Variants in SEPSECS observed in about 807,000 individuals in gnomAD.
SEPSECS encodes Sep (O-phosphoserine) tRNA:Sec (selenocysteine) tRNA synthase.
SEPSECS carries 42 observed loss-of-function variants against 52.1 expected under a neutral mutation model. The ratio of observed to expected loss-of-function variants is 0.81; its 90% CI spans 0.63 to 1.04. SEPSECS has a LOEUF of 1.04. SEPSECS is among the 50% of genes least tolerant of loss of function. The probability of loss-of-function intolerance (pLI) is 0.00; values close to 1 mark genes in which losing one functional copy is unlikely to be tolerated. For synonymous variants in SEPSECS, 216 were observed against 211.4 expected (o/e 1.02, Z -0.19); for missense variants, 590 against 610.6 (o/e 0.97, Z 0.36).
intron 8 of SEPSECS, among the ~76,000 whole-genome samples, chr4:25,128,138 T>C (rs1220903039): frequency 6.6e-6 from 1 of 152,188 alleles, no homozygotes; most frequent in Admixed American, 6.5e-5. Flanking sequence ...TGCCACAATC[T>C]GAAATTATCT....
intron 8 of SEPSECS, among the ~76,000 whole-genome samples, chr4:25,137,611 G>A (rs149476871): frequency 1.3e-5 from 2 of 152,314 alleles, no homozygotes; most frequent in East Asian, 1.9e-4. Context: ...CTTTTACACT[G>A]TTGGTGGAAA....
At chr4:25,137,616 T>C (rs1175112233) in intron 8 of SEPSECS, among the ~76,000 whole-genome samples, 4 of 152,150 alleles carry the variant, frequency 2.6e-5, no homozygotes, top group Non-Finnish European at 5.9e-5. Flanking sequence ...ACACTGTTGG[T>C]GGAAATGTAA....
rs146749555 is a variant in SEPSECS at position 25,157,430 on chromosome 4, T to A, written c.270-456A>T. On this transcript the variant is annotated intron_variant, in intron 2 of 10. Coordinates refer to ENST00000382103, the MANE Select transcript of SEPSECS (RefSeq NM_016955.4). ...GCAATACTCACCCTGCTGAGCCCAG[T>A]TAATCCAAAAAGCTATGAGAGGTAA... Among the ~76,000 whole-genome samples the A allele has an allele frequency of 2.0e-5, 3 of 152,298 alleles. 1 individual carries two copies. The highest frequency in any genetic ancestry group is 1.3e-4 in the Admixed American group (2 of 15,290).
chr4:25,152,914 G>A (rs1404614435), intron 5 of SEPSECS, among the ~76,000 whole-genome samples: 2 of 151,830 alleles, frequency 1.3e-5, no homozygotes, highest in African/African-American at 2.4e-5. Context: ...TTTTATACAA[G>A]TAAAGTCCTT....
intron 8 of SEPSECS, among the ~76,000 whole-genome samples, chr4:25,131,775 T>C (rs951484624): frequency 9.2e-5 from 14 of 152,212 alleles, no homozygotes; most frequent in East Asian, 3.8e-4. Flanking sequence ...TGAGCAGCCA[T>C]AGTGCTGTTA....
rs555005167 is a variant in SEPSECS, at chr4:25,160,389, G to A, written c.-20C>T. The A allele has an allele frequency of 6.5e-7, 1 of 1,536,968 alleles. No homozygotes were observed. The highest frequency in any genetic ancestry group is 8.8e-7 in the Non-Finnish European group (1 of 1,135,876). ...GTTCATGACAGCGGTGGCGACAGTG[G>A]CGAATAAGCGGGAGCACTAGCTCCA... is the stretch of plus-strand genomic sequence containing the variant. On this transcript the variant is annotated 5_prime_UTR_variant, in exon 1 of 11. Coordinates refer to ENST00000382103, the MANE Select transcript of SEPSECS (RefSeq NM_016955.4).
intron 8 of SEPSECS, among the ~76,000 whole-genome samples, chr4:25,128,842 G>C (rs1469470608): frequency 6.6e-6 from 1 of 152,068 alleles, no homozygotes; most frequent in East Asian, 1.9e-4. Context: ...CAACCTCAAA[G>C]GCCAAGATAC....
intron 9 of SEPSECS, among the ~76,000 whole-genome samples, chr4:25,126,243 T>C (rs1728362192): frequency 6.6e-6 from 1 of 152,086 alleles, no homozygotes; most frequent in Non-Finnish European, 1.5e-5. Flanking sequence ...GTAGCTACCA[T>C]TTACTAAGGA....
intron 8 of SEPSECS, among the ~76,000 whole-genome samples, chr4:25,132,859 G>GA (rs1728667909): frequency 1.3e-5 from 2 of 152,188 alleles, no homozygotes; most frequent in African/African-American, 2.4e-5. Context: ...GCAGTGACAA[G>GA]AAAGTGGTAA....
chr4:25,157,748 T>C (rs1042719519), intron 2 of SEPSECS, among the ~76,000 whole-genome samples: 2 of 152,088 alleles, frequency 1.3e-5, no homozygotes, highest in African/African-American at 2.4e-5. Context: ...GGTTTCACCA[T>C]GTTAGCCAGG....
rs991221743 is a variant in SEPSECS at position 25,159,127 on chromosome 4, T to G, written c.115-20A>C. The G allele has an allele frequency of 4.9e-6, 6 of 1,226,060 alleles. No homozygotes were observed. The highest frequency in any genetic ancestry group is 6.9e-6 in the Non-Finnish European group (6 of 864,134). 75.9% of individuals were successfully genotyped at this position (1,226,060 alleles called of 1,614,324 possible). On this transcript the variant is annotated intron_variant, in intron 1 of 10. Coordinates refer to ENST00000382103, the MANE Select transcript of SEPSECS (RefSeq NM_016955.4). ...CTTGCCCTTAAAAAAAAAAAAAAAC[T>G]TATGATTATATTTAATAAAACTACC... is the stretch of plus-strand genomic sequence containing the variant.
chr4:25,134,367 TCTGA>T (rs1168662386), intron 8 of SEPSECS, among the ~76,000 whole-genome samples: 9 of 151,076 alleles, frequency 6.0e-5, no homozygotes, highest in Admixed American at 2.7e-4. Flanking sequence ...AAATTTGCTT[TCTGA>T]CTAATTTTCC....
At position 25,123,096 on chromosome 4, in the gene SEPSECS, G is replaced by A. The variant is rs1268008645; in HGVS notation, c.*835C>T. ...TTATAATGACATGTTTGGAATCCGT[G>A]ACCCTGGTTATCACTTAAGATTCTC... is the stretch of plus-strand genomic sequence containing the variant. On this transcript the variant is annotated 3_prime_UTR_variant, in exon 11 of 11. Coordinates refer to ENST00000382103, the MANE Select transcript of SEPSECS (RefSeq NM_016955.4). 1 of 152,136 alleles carries A rather than the reference G, an allele frequency of 6.6e-6. No homozygotes were observed. Among genetic ancestry groups the A allele is most frequent in the Non-Finnish European group, 1.5e-5 (1 of 68,012 alleles). 9.4% of individuals were successfully genotyped at this position (152,136 alleles called of 1,614,324 possible). A position where few individuals can be genotyped will look rare whatever the true frequency, so the allele number is the denominator to read the frequency against.
At chr4:25,147,803 A>T (rs1260436973) in intron 6 of SEPSECS, among the ~76,000 whole-genome samples, 4 of 152,154 alleles carry the variant, frequency 2.6e-5, no homozygotes, top group Non-Finnish European at 5.9e-5. Context: ...AATAAAAAAA[A>T]TTTATTTATA....
chr4:25,156,253 T>C, intron 3 of SEPSECS, 58 bp from the exon 4 acceptor site: 2 of 1,443,402 alleles, frequency 1.4e-6, no homozygotes, highest in Non-Finnish European at 1.9e-6. Context: ...AGCATCCTTC[T>C]TGAGGAAATA....
intron 8 of SEPSECS, among the ~76,000 whole-genome samples, chr4:25,131,319 A>C (rs960660335): frequency 1.3e-5 from 2 of 152,232 alleles, no homozygotes; most frequent in Non-Finnish European, 2.9e-5. Flanking sequence ...ATAAAAATGG[A>C]ACCTCACATA....
intron 8 of SEPSECS, among the ~76,000 whole-genome samples, chr4:25,134,456 G>A (rs1309722638): frequency 6.6e-6 from 1 of 151,912 alleles, no homozygotes; most frequent in African/African-American, 2.4e-5. Flanking sequence ...AATACCCTGT[G>A]TTCATACATT....
At chr4:25,151,169 G>A (rs554248765) in intron 6 of SEPSECS, among the ~76,000 whole-genome samples, 12 of 152,140 alleles carry the variant, frequency 7.9e-5, no homozygotes, top group Non-Finnish European at 7.4e-5. Context: ...TTCAGTAACC[G>A]GTTTATTGAT....
At position 25,126,853 on chromosome 4, in the gene SEPSECS, C is replaced by T. The variant is rs1026698670; in HGVS notation, c.1120+411G>A. On this transcript the variant is annotated intron_variant, in intron 9 of 10. Coordinates refer to ENST00000382103, the MANE Select transcript of SEPSECS (RefSeq NM_016955.4). The stretch of plus-strand genomic sequence containing the variant: ...AGTTTAAATAATAGAGACAAGGTTT[C>T]ACTATGTTGTCCAGGCTGGTTTTGA... Among the ~76,000 whole-genome samples the T allele has an allele frequency of 4.7e-4, 72 of 152,248 alleles. 1 individual carries two copies. The highest frequency in any genetic ancestry group is 1.6e-3 in the African/African-American group (66 of 41,562).
Sources: gnomAD v4.1 joint callset for allele counts (sites outside exome capture counted in the v4.1 genomes callset) on GRCh38, gnomAD v4.1.1 for gene constraint, MANE v1.5 for transcripts, NCBI Gene and HGNC (gene_info 2026-07-23, HGNC 2026-07-21) for gene names.